EML6: variants seen among roughly 807,000 people sequenced by gnomAD.
The protein encoded by EML6 is echinoderm microtubule-associated protein-like 6.
A neutral mutation model predicts 240.1 loss-of-function variants in EML6; 154 were observed. The observed-to-expected ratio is 0.64, with a 90% CI of 0.56 to 0.73. The LOEUF is 0.73. EML6 is among the 30% of genes least tolerant of loss of function. The pLI is 0.00. For missense variants in EML6, 2,964 were observed against 2,474.6 expected (o/e 1.20, Z -4.20); for synonymous variants, 1,148 against 899.0 (o/e 1.28, Z -4.95).
chr2:54,847,763 C>A, intron 9 of EML6, 140 bp downstream of exon 9: 11 of 937,494 alleles, frequency 1.2e-5, no homozygotes, highest in Admixed American at 2.9e-5. Flanking sequence ...CTACGATCCC[C>A]TATCTGTAAT....
chr2:54,827,737 C>G lies in EML6; in HGVS notation c.697C>G (p.Gln233Glu). 1 of 1,551,224 alleles carries G rather than the reference C, an allele frequency of 6.4e-7. No individual in the cohort carries two copies. Among genetic ancestry groups the G allele is most frequent in the Non-Finnish European group, 8.7e-7 (1 of 1,146,562 alleles). ...WKGLNLVRTI[Q>E]GAHSAGIFSM... ...AGGGCTCAATTTAGTCCGCACCATT[C>G]AAGGAGCACATAGTGTAAGTATTAC... The change falls in exon 6 of 42, where the codon CAA becomes GAA. Residue 233 changes from glutamine (Q) to glutamate (E), a missense_variant. By Grantham distance (29) the Gln-to-Glu change is conservative. Coordinates refer to ENST00000356458, the MANE Select transcript of EML6 (RefSeq NM_001039753.4).
Position 54,957,803 on chromosome 2 carries a change from C to T in EML6, c.4500C>T (p.Ala1500=). 1 of 1,549,868 alleles carries T rather than the reference C, an allele frequency of 6.5e-7. No individual in the cohort carries two copies. The highest frequency in any genetic ancestry group is 8.7e-7 in the Non-Finnish European group (1 of 1,147,002). Reference sequence around the variant, plus strand: ...TCACCCACACAGGTGCCAAGGTTGCCAGCCGAGGGGGTCACCTGGAGCGCA... The same window carrying T: ...TCACCCACACAGGTGCCAAGGTTGCTAGCCGAGGGGGTCACCTGGAGCGCA... The part of the protein sequence containing the change: ...VWRWQEGAKV[A]SRGGHLERIF... Residue 1500 remains alanine, a synonymous_variant, in exon 33 of 42, where the codon GCC becomes GCT. Coordinates refer to ENST00000356458, the MANE Select transcript of EML6 (RefSeq NM_001039753.4).
chr2:54,942,591 T>C (rs1675485132), intron 28 of EML6, among the ~76,000 whole-genome samples: 1 of 152,150 alleles, frequency 6.6e-6, no homozygotes, highest in South Asian at 2.1e-4. Flanking sequence ...GTTGGCGTGC[T>C]CTTTACCCGA....
intron 7 of EML6, 77 bp from the exon 8 acceptor site, chr2:54,843,970 G>GTGTGTC: frequency 2.5e-5 from 19 of 752,372 alleles, no homozygotes; most frequent in Middle Eastern, 2.7e-4. Context: ...GGTTTTGTGT[G>GTGTGTC]TGTGTGTGTG....
intron 39 of EML6, 126 bp from the exon 40 acceptor site, chr2:54,968,002 C>A (rs1573233225): frequency 2.3e-6 from 2 of 876,366 alleles, no homozygotes; most frequent in Admixed American, 2.2e-5. Flanking sequence ...CGTTCCGTGG[C>A]CTGGCTGTTG....
At chr2:54,926,130 G>C (rs796927073) in intron 26 of EML6, among the ~76,000 whole-genome samples, 1 of 152,184 alleles carries the variant, frequency 6.6e-6, no homozygotes. Flanking sequence ...TTAAGATGGA[G>C]TCTCACTGTT....
intron 11 of EML6, among the ~76,000 whole-genome samples, chr2:54,854,917 C>T (rs780575854): frequency 1.3e-5 from 2 of 152,126 alleles, no homozygotes; most frequent in African/African-American, 2.4e-5. Flanking sequence ...CAAGAAAGTA[C>T]CTGGGAATTC....
chr2:54,857,422 G>T (rs977498834), intron 11 of EML6, among the ~76,000 whole-genome samples: 2 of 152,188 alleles, frequency 1.3e-5, no homozygotes, highest in Non-Finnish European at 2.9e-5. Flanking sequence ...GACAGGTGTG[G>T]CCTTCATTTA....
intron 25 of EML6, among the ~76,000 whole-genome samples, chr2:54,914,839 A>G (rs1673826031): frequency 6.6e-6 from 1 of 152,206 alleles, no homozygotes; most frequent in Non-Finnish European, 1.5e-5. Flanking sequence ...TTACCCAGCA[A>G]ATTGTTAAAA....
chr2:54,813,291 A>G lies in EML6; in HGVS notation c.257A>G (p.Tyr86Cys). 7 of 1,550,018 alleles carry G rather than the reference A, an allele frequency of 4.5e-6. No individual in the cohort carries two copies. The highest frequency in any genetic ancestry group is 1.2e-5 in the South Asian group (1 of 84,002). ...VATGQVGKEP[Y>C]ICIWDSYNVQ... Reference sequence around the variant, plus strand: ...ACTGGCCAAGTCGGGAAGGAGCCATATATATGCATATGGGATTCCTATAAT... The same window carrying G: ...ACTGGCCAAGTCGGGAAGGAGCCATGTATATGCATATGGGATTCCTATAAT... Residue 86 changes from tyrosine to cysteine, a missense_variant, in exon 3 of 42, where the codon TAT becomes TGT. Transcript: ENST00000356458.
At position 54,805,076 on chromosome 2, in the gene EML6, A is replaced by G. The variant is rs551063940; in HGVS notation, c.198-8156A>G. ...AAGGTATTAGTGACTTGAGTATTCC[A>G]CTGAATGCTCCAGAGTTCTTTCACT... is the stretch of plus-strand genomic sequence containing the variant. On this transcript the variant is annotated intron_variant, in intron 2 of 41. Coordinates refer to ENST00000356458, the MANE Select transcript of EML6 (RefSeq NM_001039753.4). 4.6e-5 allele frequency among the ~76,000 whole-genome samples: 7 copies of G among 152,312 alleles called. No individual in the cohort carries two copies. The East Asian group carries it at 1.3e-3, about 29-fold the overall frequency.
intron 32 of EML6, 99 bp from the exon 33 acceptor site, chr2:54,957,691 G>T: frequency 9.6e-7 from 1 of 1,038,664 alleles, no homozygotes. Context: ...ACTGAGGCAT[G>T]GCTTACGCCT....
At chr2:54,821,917 T>C (rs561366409) in intron 5 of EML6, among the ~76,000 whole-genome samples, 35 of 152,192 alleles carry the variant, frequency 2.3e-4, no homozygotes, top group African/African-American at 7.7e-4. Context: ...TTTTTTAAAA[T>C]GTAAAAGCAA....
intron 28 of EML6, among the ~76,000 whole-genome samples, chr2:54,929,695 T>G (rs1674751815): frequency 1.9e-4 from 1 of 5,288 alleles, no homozygotes; most frequent in South Asian, 3.3e-3. Flanking sequence ...AAATGTAACC[T>G]CCTCCTCCTC....
chr2:54,896,544 T>G (rs1672778259), intron 21 of EML6, among the ~76,000 whole-genome samples: 1 of 152,168 alleles, frequency 6.6e-6, no homozygotes, highest in Non-Finnish European at 1.5e-5. Context: ...AGTTTGGTGA[T>G]GGATAAGACC....
At chr2:54,956,018 C>CGT (rs35863783) in intron 32 of EML6, among the ~76,000 whole-genome samples, 84,173 of 150,218 alleles carry the variant, frequency 0.56, 26,190 homozygotes, top group Non-Finnish European at 0.7. Context: ...TTTTGGGGAA[C>CGT]GTGTGTGTGT....
intron 28 of EML6, among the ~76,000 whole-genome samples, chr2:54,943,903 C>A (rs1302732606): frequency 6.6e-6 from 1 of 152,224 alleles, no homozygotes; most frequent in Non-Finnish European, 1.5e-5. Flanking sequence ...TTGAAAGCCA[C>A]ATGTGGCATT....
chr2:54,895,380 C>T lies in EML6; in HGVS notation c.2962C>T (p.Pro988Ser), dbSNP rs1434415232. The change falls in exon 21 of 42, where the codon CCA (proline) becomes TCA (serine). Residue 988 changes from proline (P) to serine (S), a missense_variant. Pro to Ser is a moderately conservative substitution (Grantham distance 74). Transcript: ENST00000356458. ...GEILEIDKSG[P>S]MTLLVQGHME... The stretch of plus-strand genomic sequence containing the variant: ...GATTCTGGAAATTGATAAGAGTGGC[C>T]CAATGACACTGCTTGTTCAGGTACT... 7.1e-6 allele frequency: 11 copies of T among 1,551,782 alleles called. No homozygotes were observed. In the East Asian group the frequency reaches 2.0e-4, roughly 28 times the overall value.
chr2:54,863,760 T>A (rs1670805841), intron 12 of EML6, 23 bp from the exon 13 acceptor site: 1 of 1,353,374 alleles, frequency 7.4e-7, no homozygotes, highest in African/African-American at 1.5e-5. Context: ...TTTGCTTGTT[T>A]CTTGTGGGTT....
Sources: allele counts gnomAD v4.1 joint callset (sites outside exome capture counted in the v4.1 genomes callset), GRCh38; gene constraint gnomAD v4.1.1; transcripts MANE v1.5; gene names NCBI Gene and HGNC (gene_info 2026-07-23, HGNC 2026-07-21).